IFNLR1: variants seen among roughly 807,000 people sequenced by gnomAD.
IFNLR1 encodes interferon lambda receptor 1, also known as CRF2-12.
IFNLR1 carries 28 observed loss-of-function variants against 52.5 expected under a neutral mutation model. That is an observed-to-expected ratio of 0.53 (90% CI 0.40 to 0.73). The LOEUF is 0.73. Among genes scored for constraint, IFNLR1 ranks in the 30% least tolerant of loss-of-function variants. IFNLR1 has a pLI of 0.00. For synonymous variants in IFNLR1, 276 were observed against 274.9 expected (o/e 1.00, Z -0.04); for missense variants, 623 against 659.1 (o/e 0.95, Z 0.60).
At chr1:24,182,623 G>T (rs1644702033) in intron 1 of IFNLR1, among the ~76,000 whole-genome samples, 1 of 152,004 alleles carries the variant, frequency 6.6e-6, no homozygotes, top group Non-Finnish European at 1.5e-5. Context: ...CTCCATAGTG[G>T]TAAAAAAATA....
chr1:24,166,634 C>T (rs1231126661), intron 3 of IFNLR1, among the ~76,000 whole-genome samples: 1 of 152,138 alleles, frequency 6.6e-6, no homozygotes, highest in Non-Finnish European at 1.5e-5. Context: ...GCAGCCTTGA[C>T]CTCCTGGGCT....
At chr1:24,182,930 TA>T (rs1449471027) in intron 1 of IFNLR1, among the ~76,000 whole-genome samples, 1 of 151,422 alleles carries the variant, frequency 6.6e-6, no homozygotes, top group Non-Finnish European at 1.5e-5. Context: ...AATAAATAAA[TA>T]AATAAATAAA....
Position 24,187,198 on chromosome 1 carries a change from G to A in IFNLR1, c.51C>T (p.Ala17=). The A allele has an allele frequency of 7.4e-7, 1 of 1,342,484 alleles. No homozygotes were observed. Among genetic ancestry groups the A allele is most frequent in the Non-Finnish European group, 9.6e-7 (1 of 1,046,780 alleles). 83.2% of individuals were successfully genotyped at this position (1,342,484 alleles called of 1,614,324 possible). ...WGPLLLCLLQ[A]APGRPRLAPP... is the part of the protein sequence containing the mutation. ...GCGGCCCCGCGCCCTTACCTGGAGC[G>A]GCCTGCAGCAGGCACAGGAGCAGGG... The change falls in exon 1 of 7, where the codon GCC becomes GCT. Residue 17 remains alanine, a synonymous_variant. Transcript: ENST00000327535.
In IFNLR1 at chr1:24,157,038, G is replaced by A. The variant is rs535209482; in HGVS notation, c.*92C>T. On this transcript the variant is annotated 3_prime_UTR_variant, in exon 7 of 7. Transcript: ENST00000327535. This position sits in a 1 kb window ranked among gnomAD's most constrained non-coding sequence, Gnocchi z 5.1. ...TGCAATGCCCCTCCGCCGCCCAGGG[G>A]AGGTACGGAGGCTCTTGAGTTTCTT... 65 of 1,430,806 alleles carry A rather than the reference G, an allele frequency of 4.5e-5. No individual in the cohort carries two copies. The highest frequency in any genetic ancestry group is 2.6e-4 in the Middle Eastern group (1 of 3,846). The allele number at this position is 1,430,806 out of a possible 1,614,324, so 88.6% of individuals were successfully genotyped here. A position where few individuals can be genotyped will look rare whatever the true frequency, so the allele number is the denominator to read the frequency against.
Position 24,187,176 on chromosome 1 carries a change from G to T in IFNLR1, c.58+15C>A. 1 of 1,359,858 alleles carries T rather than the reference G, an allele frequency of 7.4e-7. No homozygotes were observed. Among genetic ancestry groups the T allele is most frequent in the Non-Finnish European group, 9.5e-7 (1 of 1,052,424 alleles). The allele number at this position is 1,359,858 out of a possible 1,614,324, so 84.2% of individuals were successfully genotyped here. A position where few individuals can be genotyped will look rare whatever the true frequency, so the allele number is the denominator to read the frequency against. The stretch of plus-strand genomic sequence containing the variant: ...AGCCCTCTTCCCCCTCCCTCCCGCG[G>T]CCCCGCGCCCTTACCTGGAGCGGCC... On this transcript the variant is annotated intron_variant, in intron 1 of 6. Coordinates refer to ENST00000327535, the MANE Select transcript of IFNLR1 (RefSeq NM_170743.4).
At chr1:24,166,509 T>G (rs1244867410) in intron 3 of IFNLR1, among the ~76,000 whole-genome samples, 2 of 141,918 alleles carry the variant, frequency 1.4e-5, no homozygotes, top group Non-Finnish European at 2.9e-5. Context: ...ACCCATCTCA[T>G]CCACCCATCT....
intron 3 of IFNLR1, among the ~76,000 whole-genome samples, chr1:24,168,955 G>C (rs960398113): frequency 6.6e-6 from 1 of 152,082 alleles, no homozygotes; most frequent in Non-Finnish European, 1.5e-5. Context: ...TGTTGGCCAG[G>C]GTGGTCTCAA....
At chr1:24,181,717 C>T (rs1338763012) in intron 1 of IFNLR1, among the ~76,000 whole-genome samples, 1 of 152,144 alleles carries the variant, frequency 6.6e-6, no homozygotes. Context: ...AGGCCCAGCC[C>T]AGGCCTGGTT....
intron 2 of IFNLR1, among the ~76,000 whole-genome samples, chr1:24,176,948 A>G (rs1644638626): frequency 6.6e-6 from 1 of 152,200 alleles, no homozygotes; most frequent in Non-Finnish European, 1.5e-5. Flanking sequence ...GATCCAACAT[A>G]CAAGTGATAT....
intron 3 of IFNLR1, among the ~76,000 whole-genome samples, chr1:24,162,876 T>TTTCTTTCTTTCTTTCTTTCTTTCTTTCC (rs1553162229): frequency 4.4e-5 from 1 of 22,582 alleles, no homozygotes; most frequent in Non-Finnish European, 8.0e-5. Context: ...TCTTTCTTTC[T>TTTCTTTCTTTCTTTCTTTCTTTCTTTCC]TTCCTTCCTT....
At chr1:24,183,701 C>A (rs1644712204) in intron 1 of IFNLR1, among the ~76,000 whole-genome samples, 1 of 152,148 alleles carries the variant, frequency 6.6e-6, no homozygotes, top group South Asian at 2.1e-4. Context: ...AGGCTTCCAT[C>A]TCACTCCAGG....
chr1:24,182,270 T>C (rs1339238224), intron 1 of IFNLR1, among the ~76,000 whole-genome samples: 2 of 151,778 alleles, frequency 1.3e-5, no homozygotes, highest in Non-Finnish European at 2.9e-5. Context: ...GCTGGCATTA[T>C]TCATTAGGGC....
rs1314928475 is a variant in IFNLR1, at chr1:24,170,507, A to T, written c.183-906T>A. Among the ~76,000 whole-genome samples, 3 of 152,070 alleles carry T rather than the reference A, an allele frequency of 2.0e-5. No individual in the cohort carries two copies. In the East Asian group the frequency reaches 5.8e-4, roughly 29 times the overall value. ...TCCCGAGTAGATGGGATTACAGGCC[A>T]GCGTAACCACACCTGGCTAATTTTG... On this transcript the variant is annotated intron_variant, in intron 2 of 6. Transcript: ENST00000327535.
At chr1:24,175,465 A>C (rs567377698) in intron 2 of IFNLR1, among the ~76,000 whole-genome samples, 1 of 152,356 alleles carries the variant, frequency 6.6e-6, no homozygotes, top group South Asian at 2.1e-4. Context: ...TGGAATGGGA[A>C]AGTCTATCCC....
chr1:24,177,608 G>A (rs1396122596), intron 2 of IFNLR1, among the ~76,000 whole-genome samples: 2 of 152,170 alleles, frequency 1.3e-5, no homozygotes, highest in African/African-American at 4.8e-5. Context: ...GAGTGAGGAC[G>A]AGTCTTCCAT....
chr1:24,162,132 C>T (rs10794645), intron 3 of IFNLR1, among the ~76,000 whole-genome samples: 83,373 of 152,084 alleles, frequency 0.55, 23,372 homozygotes, highest in Middle Eastern at 0.6. Context: ...GCTGGTTCCT[C>T]CGCTCTGGGT....
chr1:24,173,969 A>G (rs1198402691), intron 2 of IFNLR1, among the ~76,000 whole-genome samples: 1 of 152,200 alleles, frequency 6.6e-6, no homozygotes, highest in African/African-American at 2.4e-5. Context: ...TTATGGACGA[A>G]TTGAGTTCCC....
In IFNLR1 at chr1:24,170,136, A is replaced by T. The variant is rs138725559; in HGVS notation, c.183-535T>A. ...CCTTCCGCTATGCGAAGACGCAGCGAGAAGGCACCATCTTGGAAGCAGAGA... is the reference window on the plus strand; with the variant it reads ...CCTTCCGCTATGCGAAGACGCAGCGTGAAGGCACCATCTTGGAAGCAGAGA... On this transcript the variant is annotated intron_variant, in intron 2 of 6. Transcript: ENST00000327535. Among the ~76,000 whole-genome samples the T allele has an allele frequency of 9.6e-4, 146 of 152,352 alleles. 1 individual carries two copies. The highest frequency in any genetic ancestry group is 3.3e-3 in the African/African-American group (136 of 41,588).
intron 1 of IFNLR1, among the ~76,000 whole-genome samples, chr1:24,183,121 A>T (rs1644707910): frequency 6.6e-6 from 1 of 152,180 alleles, no homozygotes; most frequent in South Asian, 2.1e-4. Context: ...ACTATGTAAA[A>T]AACACTGTCA....
Sources: allele counts gnomAD v4.1 joint callset (sites outside exome capture counted in the v4.1 genomes callset), GRCh38; gene constraint gnomAD v4.1.1; non-coding constraint Gnocchi (gnomAD v3.1); transcripts MANE v1.5; gene names NCBI Gene and HGNC (gene_info 2026-07-23, HGNC 2026-07-21).